FRMPD2: variants seen among roughly 807,000 people sequenced by gnomAD.
FRMPD2 encodes the protein FERM and PDZ domain-containing protein 2.
A neutral mutation model predicts 140.1 loss-of-function variants in FRMPD2; 96 were observed. The observed-to-expected ratio is 0.69, with a 90% confidence interval of 0.58 to 0.81. The LOEUF (loss-of-function observed/expected upper bound fraction) is 0.81. Ranked by LOEUF, FRMPD2 falls within the 40% of genes least tolerant of loss-of-function variation. The pLI, the probability that FRMPD2 is intolerant of heterozygous loss-of-function variation, is 0.00. For synonymous variants in FRMPD2, 449 were observed against 547.6 expected, an observed-to-expected ratio of 0.82 and a Z score of 2.52; for missense variants, 1,240 against 1,447.4, an observed-to-expected ratio of 0.86 and a Z score of 2.32.
chr10:48,213,304 G>A lies in FRMPD2; in HGVS notation c.1456-1195C>T, dbSNP rs1266323068. Reference sequence around the variant, plus strand: ...AAGCATTTAGAATGCTCTTAGCATGGCCAAATTCCAGAACACTGGCAACAC... The same window carrying A: ...AAGCATTTAGAATGCTCTTAGCATGACCAAATTCCAGAACACTGGCAACAC... On this transcript the variant is annotated intron_variant, in intron 12 of 28. Transcript: ENST00000374201. 2.6e-5 allele frequency among the ~76,000 whole-genome samples: 4 copies of A among 152,308 alleles called. No individual in the cohort carries two copies. The East Asian group carries it at 5.8e-4, about 22-fold the overall frequency.
At chr10:48,158,232 G>C (rs1837839645) in intron 28 of FRMPD2, among the ~76,000 whole-genome samples, 1 of 148,586 alleles carries the variant, frequency 6.7e-6, no homozygotes, top group Admixed American at 6.7e-5. Flanking sequence ...AGGGGGACTT[G>C]GTGGTCCCAA....
Position 48,242,321 on chromosome 10 carries a change from A to T in FRMPD2, c.407T>A (p.Ile136Asn), listed in dbSNP as rs1226253518. Residue 136 changes from isoleucine to asparagine, a missense_variant, in exon 5 of 29, where the codon ATC (isoleucine) becomes AAC (asparagine). Around this residue, in one of 6 missense-constraint regions of FRMPD2, gnomAD observed 1,161 missense variants for 1,055.9 expected, o/e 1.10. Coordinates refer to ENST00000374201, the MANE Select transcript of FRMPD2 (RefSeq NM_001018071.4). ...PLQLCEPLHS[I>N]LLTMCEDQPH... The stretch of plus-strand genomic sequence containing the variant: ...CTGGTCTTCACACATGGTCAGCAGG[A>T]TGGAGTGCAGGGGCTCGCAGAGCTG... The T allele has an allele frequency of 6.2e-7, 1 of 1,614,010 alleles. No homozygotes were observed. Among genetic ancestry groups the T allele is most frequent in the East Asian group, 2.2e-5 (1 of 44,878 alleles).
At chr10:48,182,205 T>C (rs1464007017) in intron 20 of FRMPD2, among the ~76,000 whole-genome samples, 1 of 152,182 alleles carries the variant, frequency 6.6e-6, no homozygotes, top group Non-Finnish European at 1.5e-5. Context: ...CACTGTTTCA[T>C]AATGCTGTAT....
intron 2 of FRMPD2, among the ~76,000 whole-genome samples, chr10:48,250,549 C>T (rs536224220): frequency 3.3e-5 from 5 of 152,084 alleles, no homozygotes; most frequent in Admixed American, 1.3e-4. Context: ...TATAAGTGCA[C>T]GCCACCACGC....
intron 13 of FRMPD2, 21 bp from the exon 14 acceptor site, chr10:48,206,954 T>C (rs1564425226): frequency 6.2e-7 from 1 of 1,610,682 alleles, no homozygotes; most frequent in Non-Finnish European, 8.5e-7. Flanking sequence ...AAAAGGCTGA[T>C]TTAGAAGAGA....
At chr10:48,173,901 T>G (rs1838332545) in intron 24 of FRMPD2, among the ~76,000 whole-genome samples, 1 of 152,064 alleles carries the variant, frequency 6.6e-6, no homozygotes, top group Non-Finnish European at 1.5e-5. Context: ...ATCTTCCTGT[T>G]GCACCTGTCA....
chr10:48,235,346 G>T (rs888139895), intron 9 of FRMPD2, among the ~76,000 whole-genome samples: 8 of 152,228 alleles, frequency 5.3e-5, no homozygotes, highest in Admixed American at 3.3e-4. Context: ...GCTGGTCATT[G>T]CATAGGAATT....
At chr10:48,187,314 G>C in intron 16 of FRMPD2, 22 bp from the exon 17 acceptor site, 1 of 1,606,464 alleles carries the variant, frequency 6.2e-7, no homozygotes, top group Middle Eastern at 1.7e-4. Context: ...AGAAAATGAG[G>C]TTAGATAAGG....
At chr10:48,159,030 G>T (rs1218797223) in intron 28 of FRMPD2, 6 of 356,752 alleles carry the variant, frequency 1.7e-5, no homozygotes, top group African/African-American at 1.3e-4. Context: ...GGCATTTCAG[G>T]CTTGAAATAT....
At chr10:48,161,918 C>T (rs1278956243) in intron 28 of FRMPD2, among the ~76,000 whole-genome samples, 1 of 150,080 alleles carries the variant, frequency 6.7e-6, no homozygotes, top group Admixed American at 6.6e-5. Flanking sequence ...AGTCAAATTC[C>T]CAGCTTGTAC....
chr10:48,253,357 A>C (rs1428601182), intron 1 of FRMPD2, among the ~76,000 whole-genome samples: 2 of 152,362 alleles, frequency 1.3e-5, no homozygotes, highest in African/African-American at 4.8e-5. Flanking sequence ...TCATGGAGGA[A>C]AATGGGAGAA....
intron 1 of FRMPD2, among the ~76,000 whole-genome samples, 160 bp downstream of exon 1, chr10:48,274,383 G>T (rs1012388036): frequency 6.6e-6 from 1 of 152,160 alleles, no homozygotes; most frequent in Middle Eastern, 3.2e-3. Flanking sequence ...CTTAGCCAAT[G>T]GCCTGGAACA....
intron 10 of FRMPD2, among the ~76,000 whole-genome samples, chr10:48,228,606 A>T (rs2131917584): frequency 6.6e-6 from 1 of 152,114 alleles, no homozygotes; most frequent in South Asian, 2.1e-4. Flanking sequence ...TGTTTTCACA[A>T]ATTTGTAAAA....
chr10:48,272,082 T>C (rs892718462), intron 1 of FRMPD2, among the ~76,000 whole-genome samples: 5 of 152,228 alleles, frequency 3.3e-5, no homozygotes, highest in Non-Finnish European at 5.9e-5. Flanking sequence ...ACCGCAGCCC[T>C]TGCTATTCCT....
In FRMPD2 at chr10:48,239,667, C is replaced by G; in HGVS notation, c.726G>C (p.Gln242His). 1 of 1,613,996 alleles carries G rather than the reference C, an allele frequency of 6.2e-7. No individual in the cohort carries two copies. The highest frequency in any genetic ancestry group is 8.5e-7 in the Non-Finnish European group (1 of 1,179,962). The change falls in exon 7 of 29, where the codon CAG (glutamine) becomes CAC (histidine). Residue 242 changes from glutamine (Q) to histidine (H), a missense_variant. Physicochemically the swap from Gln to His is conservative, Grantham distance 24. Transcript: ENST00000374201. ...TGCTCCAATGGGGCTCTGGTGAGCTCTGGGTCTCCGTGCTTCTTTCTGAAA... is the reference window on the plus strand; with the variant it reads ...TGCTCCAATGGGGCTCTGGTGAGCTGTGGGTCTCCGTGCTTCTTTCTGAAA... ...CRVSERSTET[Q>H]SSPEPHWSTL...
At chr10:48,270,254 G>A (rs1216997957) in intron 1 of FRMPD2, among the ~76,000 whole-genome samples, 1 of 152,142 alleles carries the variant, frequency 6.6e-6, no homozygotes, top group African/African-American at 2.4e-5. Context: ...TCGATGATGA[G>A]CGCTCAGTGC....
chr10:48,217,081 G>A (rs908526913), intron 12 of FRMPD2, among the ~76,000 whole-genome samples: 2 of 152,232 alleles, frequency 1.3e-5, no homozygotes, highest in African/African-American at 4.8e-5. Flanking sequence ...CCATGGACCA[G>A]GGTAGTCCCA....
At chr10:48,254,036 A>T (rs1840442266) in intron 1 of FRMPD2, among the ~76,000 whole-genome samples, 1 of 151,962 alleles carries the variant, frequency 6.6e-6, no homozygotes. Context: ...AGTCAGTGAC[A>T]GGAAATTACT....
intron 8 of FRMPD2, among the ~76,000 whole-genome samples, 191 bp from the exon 9 acceptor site, chr10:48,236,744 C>T (rs1363787314): frequency 1.3e-5 from 2 of 152,188 alleles, no homozygotes. Context: ...AGAAGTCTTA[C>T]AGGTGGGTAT....
Sources: gnomAD v4.1 joint callset for allele counts (sites outside exome capture counted in the v4.1 genomes callset) on GRCh38, gnomAD v4.1.1 for gene constraint, gnomAD v4.1.1 regional missense constraint, MANE v1.5 for transcripts, NCBI Gene and HGNC (gene_info 2026-07-23, HGNC 2026-07-21) for gene names.